Variants in CRYBG1 observed in about 807,000 individuals in gnomAD.
The protein encoded by CRYBG1 is crystallin beta-gamma domain containing 1, also known as beta/gamma crystallin domain-containing protein 1.
In CRYBG1, 139 loss-of-function variants were observed where a neutral mutation model predicts 189.2. The ratio of observed to expected loss-of-function variants is 0.73; its 90% confidence interval spans 0.64 to 0.85. The LOEUF is 0.85. Among genes scored for constraint, CRYBG1 ranks in the 40% least tolerant of loss-of-function variants. The pLI, the probability that CRYBG1 is intolerant of heterozygous loss-of-function variation, is 0.00. For synonymous variants in CRYBG1, 1,023 were observed against 1,017.1 expected (o/e 1.01, Z -0.11); for missense variants, 2,611 against 2,675.8 (o/e 0.98, Z 0.53).
intron 2 of CRYBG1, among the ~76,000 whole-genome samples, chr6:106,499,239 G>A (rs376789675): frequency 6.8e-6 from 1 of 146,058 alleles, no homozygotes; most frequent in Non-Finnish European, 1.5e-5. Context: ...CGCAACTTCC[G>A]CCTCCCGGGT....
At chr6:106,543,377 A>C (rs1399689245) in intron 10 of CRYBG1, 63 bp from the exon 11 acceptor site, 47 of 1,484,558 alleles carry the variant, frequency 3.2e-5, no homozygotes, top group Non-Finnish European at 3.8e-5. Flanking sequence ...TAAATGACTG[A>C]TTTAATGTTA....
intron 18 of CRYBG1, 105 bp downstream of exon 18, chr6:106,558,730 A>G: frequency 1.2e-6 from 1 of 840,114 alleles, no homozygotes; most frequent in Non-Finnish European, 1.7e-6. Context: ...TAGGAGGCCG[A>G]GGTAGAAGGA....
rs376195186 is a variant in CRYBG1 at position 106,452,355 on chromosome 6, G to A, written c.312+523G>A. 8.6e-5 allele frequency among the ~76,000 whole-genome samples: 13 copies of A among 150,978 alleles called. No individual in the cohort carries two copies. In the East Asian group the frequency reaches 2.1e-3, roughly 25 times the overall value. On this transcript the variant is annotated intron_variant, in intron 2 of 21. Transcript: ENST00000633556. ...GGAGAATCGCTTAAACCCAGGAGGT[G>A]GAGGTTGTGGTGGAGCTGAGATCAT...
chr6:106,360,725 T>C lies in CRYBG1; in HGVS notation c.-184T>C, dbSNP rs772653809. ...CCAACAGCTCGGGCTGCAGTGCTGC[T>C]CGCGCTGCGCTGGGTGCTGGTTCTG... On this transcript the variant is annotated 5_prime_UTR_variant, in exon 1 of 22. Transcript: ENST00000633556. The C allele has an allele frequency of 1.6e-5, 10 of 617,422 alleles. No individual in the cohort carries two copies. The highest frequency in any genetic ancestry group is 2.6e-5 in the Non-Finnish European group (10 of 387,352). The allele number at this position is 617,422 out of a possible 1,614,324, so 38.2% of individuals were successfully genotyped here.
chr6:106,372,432 A>G (rs2114302382), intron 1 of CRYBG1, among the ~76,000 whole-genome samples: 1 of 152,220 alleles, frequency 6.6e-6, no homozygotes, highest in Admixed American at 6.5e-5. Flanking sequence ...TTGTATTTTC[A>G]GTAGAGACCA....
rs1286675479 is a variant in CRYBG1, at chr6:106,563,837, A to G, written c.6212A>G (p.Asp2071Gly). 6.2e-7 allele frequency: 1 copy of G among 1,613,770 alleles called. No individual in the cohort carries two copies. Among genetic ancestry groups the G allele is most frequent in the Admixed American group, 1.7e-5 (1 of 60,000 alleles). ...GGCTCCAAGCTAGGCCTGGCCCTGGACCAGAATGCTGACAGCCAGTTCTGG... is the reference window on the plus strand; with the variant it reads ...GGCTCCAAGCTAGGCCTGGCCCTGGGCCAGAATGCTGACAGCCAGTTCTGG... ...TSGSKLGLAL[D>G]QNADSQFWSL... Residue 2071 changes from aspartate (D) to glycine (G), a missense_variant, in exon 21 of 22, where the codon GAC becomes GGC. Around this residue, in one of 3 missense-constraint regions of CRYBG1, gnomAD observed 1,622 missense variants for 1,735.0 expected, o/e 0.93. Transcript: ENST00000633556.
chr6:106,502,251 A>C (rs1161168538), intron 2 of CRYBG1, among the ~76,000 whole-genome samples: 1 of 152,230 alleles, frequency 6.6e-6, no homozygotes, highest in Non-Finnish European at 1.5e-5. Context: ...TAAGTGCTTT[A>C]AAGTAACCAT....
At chr6:106,530,744 G>T (rs1431841594) in intron 8 of CRYBG1, among the ~76,000 whole-genome samples, 2 of 152,148 alleles carry the variant, frequency 1.3e-5, no homozygotes, top group African/African-American at 4.8e-5. Context: ...CCCCTAGGAG[G>T]TTGGTTTCAC....
chr6:106,474,453 T>G (rs1182656344), intron 2 of CRYBG1, among the ~76,000 whole-genome samples: 1 of 152,244 alleles, frequency 6.6e-6, no homozygotes, highest in African/African-American at 2.4e-5. Flanking sequence ...CAGAAGAAAC[T>G]TCTTTTAAAG....
chr6:106,417,002 T>TTC (rs1224983072), intron 1 of CRYBG1, among the ~76,000 whole-genome samples: 1 of 134,620 alleles, frequency 7.4e-6, no homozygotes, highest in African/African-American at 2.9e-5. Context: ...GGATTTACTT[T>TTC]TTTTTTTTTT....
intron 8 of CRYBG1, among the ~76,000 whole-genome samples, chr6:106,531,897 C>T (rs1176158242): frequency 3.3e-5 from 5 of 151,984 alleles, no homozygotes; most frequent in Admixed American, 6.6e-5. Context: ...AGTGATGGTT[C>T]GTCAATATAC....
At chr6:106,568,378 C>T in intron 21 of CRYBG1, 94 bp from the exon 22 acceptor site, 2 of 984,354 alleles carry the variant, frequency 2.0e-6, no homozygotes, top group Non-Finnish European at 3.1e-6. Context: ...TGTTTACTTG[C>T]TTACTTTTGC....
At chr6:106,469,799 C>G (rs1772193234) in intron 2 of CRYBG1, among the ~76,000 whole-genome samples, 1 of 152,176 alleles carries the variant, frequency 6.6e-6, no homozygotes, top group Non-Finnish European at 1.5e-5. Context: ...TTGTAGCTAT[C>G]TTACATAACA....
intron 2 of CRYBG1, among the ~76,000 whole-genome samples, chr6:106,478,255 A>G (rs1317947756): frequency 6.6e-6 from 1 of 152,210 alleles, no homozygotes; most frequent in Non-Finnish European, 1.5e-5. Context: ...GTGTGTATGT[A>G]TTATCCTTTT....
intron 1 of CRYBG1, among the ~76,000 whole-genome samples, chr6:106,423,251 G>GT (rs5878887): frequency 0.056 from 4,484 of 80,746 alleles, 272 homozygotes; most frequent in African/African-American, 0.14. Context: ...GAGTTGGCTG[G>GT]TTTTTTTTTT....
intron 1 of CRYBG1, among the ~76,000 whole-genome samples, chr6:106,376,997 A>T (rs1457920600): frequency 6.6e-6 from 1 of 152,230 alleles, no homozygotes; most frequent in African/African-American, 2.4e-5. Flanking sequence ...ACAGAGAAAA[A>T]GGAGCAATCA....
intron 1 of CRYBG1, among the ~76,000 whole-genome samples, chr6:106,401,034 A>C (rs965971294): frequency 6.6e-6 from 1 of 152,248 alleles, no homozygotes; most frequent in Non-Finnish European, 1.5e-5. Flanking sequence ...GACAGTGTCC[A>C]GCAGACACTA....
intron 15 of CRYBG1, 29 bp from the exon 16 acceptor site, chr6:106,553,426 T>G (rs1183057435): frequency 6.9e-7 from 1 of 1,453,928 alleles, no homozygotes; most frequent in African/African-American, 1.4e-5. Flanking sequence ...GGAAAATAAT[T>G]TTATGTGTTT....
Position 106,490,152 on chromosome 6 carries a change from A to G in CRYBG1, c.313-21278A>G, listed in dbSNP as rs559272972. ...CTACTGTTTAGTGAAATATATCTACAAAGCTGGAGTGATGTAATGCTGTTG... is the reference window on the plus strand; with the variant it reads ...CTACTGTTTAGTGAAATATATCTACGAAGCTGGAGTGATGTAATGCTGTTG... On this transcript the variant is annotated intron_variant, in intron 2 of 21. Transcript: ENST00000633556. 2.6e-5 allele frequency among the ~76,000 whole-genome samples: 4 copies of G among 152,370 alleles called. No homozygotes were observed. In the East Asian group the frequency reaches 5.8e-4, roughly 22 times the overall value.
Sources: allele counts gnomAD v4.1 joint callset (sites outside exome capture counted in the v4.1 genomes callset), GRCh38; gene constraint gnomAD v4.1.1; regional missense constraint gnomAD v4.1.1; transcripts MANE v1.5; gene names NCBI Gene and HGNC (gene_info 2026-07-23, HGNC 2026-07-21).